The following CTNND1 variants were observed in gnomAD, a reference collection of about 807,000 sequenced individuals.
The protein encoded by CTNND1 is catenin delta 1, also known as catenin delta-1.
CTNND1 carries 16 observed loss-of-function variants against 112.1 expected under a neutral mutation model. That is an observed-to-expected ratio of 0.14 (90% CI 0.10 to 0.22). The LOEUF (loss-of-function observed/expected upper bound fraction) is 0.22, where lower values mean the gene tolerates loss of function less well. CTNND1 is among the 10% of genes least tolerant of loss of function. CTNND1 has a pLI of 1.00. For synonymous variants in CTNND1, 420 were observed against 446.5 expected (o/e 0.94, Z 0.75); for missense variants, 1,008 against 1,257.0 (o/e 0.80, Z 3.00).
At chr11:57,809,144 C>G in intron 14 of CTNND1, 130 bp from the exon 15 acceptor site, 2 of 643,052 alleles carry the variant, frequency 3.1e-6, no homozygotes, top group Non-Finnish European at 5.4e-6. Context: ...TATGATAATC[C>G]TATAGGATAA....
At chr11:57,765,997 T>C (rs1453496243) in intron 1 of CTNND1, among the ~76,000 whole-genome samples, 1 of 152,012 alleles carries the variant, frequency 6.6e-6, no homozygotes, top group Non-Finnish European at 1.5e-5. Flanking sequence ...ATACAAAAAT[T>C]AGCTGGGCGT....
intron 1 of CTNND1, among the ~76,000 whole-genome samples, chr11:57,763,606 G>T (rs761169266): frequency 1.5e-4 from 23 of 152,158 alleles, no homozygotes; most frequent in Middle Eastern, 6.3e-3. Context: ...AACAAGTACA[G>T]TTAAAAAGAA....
chr11:57,816,076 C>T, intron 20 of CTNND1, 75 bp downstream of exon 20: 1 of 1,313,192 alleles, frequency 7.6e-7, no homozygotes, highest in South Asian at 1.4e-5. Flanking sequence ...GTCAATCACG[C>T]TAATCTGATC....
Position 57,804,692 on chromosome 11 carries a change from G to A in CTNND1, c.1634G>A (p.Arg545His). 6 of 1,613,806 alleles carry A rather than the reference G, an allele frequency of 3.7e-6. No individual in the cohort carries two copies. Among genetic ancestry groups the A allele is most frequent in the Non-Finnish European group, 4.2e-6 (5 of 1,179,790 alleles). The change falls in exon 9 of 21, where the codon CGC becomes CAC. Residue 545 changes from arginine (R) to histidine (H), a missense_variant. Transcript: ENST00000399050. ...RNVSSERSEA[R>H]RKLRECDGLV... ...GTAAGCTCAGAGAGGAGTGAAGCTC[G>A]CCGGAAACTTCGGGAATGTGATGGT...
Position 57,815,504 on chromosome 11 carries a change from A to G in CTNND1, c.2808+4A>G. On this transcript the variant is annotated splice_donor_region_variant and intron_variant, in intron 19 of 20. Coordinates refer to ENST00000399050, the MANE Select transcript of CTNND1 (RefSeq NM_001085458.2). ...GAAGGGAACAACACCCTTGATGGTA[A>G]ATTCTCTTTATATACTGCTATCTGT... The G allele has an allele frequency of 6.3e-7, 1 of 1,597,018 alleles. No homozygotes were observed. The highest frequency in any genetic ancestry group is 1.1e-5 in the South Asian group (1 of 90,402).
chr11:57,803,900 C>A (rs781320666), intron 8 of CTNND1, 96 bp downstream of exon 8: 15 of 971,746 alleles, frequency 1.5e-5, no homozygotes, highest in Non-Finnish European at 2.1e-5. Flanking sequence ...TTAGCCTATT[C>A]TTTAGCCTCC....
intron 19 of CTNND1, 155 bp downstream of exon 19, chr11:57,815,655 T>C (rs1744754206): frequency 1.2e-6 from 1 of 823,776 alleles, no homozygotes; most frequent in African/African-American, 1.7e-5. Flanking sequence ...CATGTTGGGA[T>C]TTCTTGGGCC....
rs373099155 is a variant in CTNND1 at position 57,809,421 on chromosome 11, G to A, written c.2390G>A (p.Arg797Gln). Residue 797 changes from arginine to glutamine, a missense_variant, in exon 15 of 21, where the codon CGA (arginine) becomes CAA (glutamine). Arg to Gln is a conservative substitution (Grantham distance 43). Around this residue, in one of 5 missense-constraint regions of CTNND1, gnomAD observed 254 missense variants for 279.5 expected, o/e 0.91. Coordinates refer to ENST00000399050, the MANE Select transcript of CTNND1 (RefSeq NM_001085458.2). ...AENLEAAKKLRETQGIEKLVL... is the reference protein window; with the variant it reads ...AENLEAAKKLQETQGIEKLVL... ...AACTTGGAGGCTGCCAAAAAGCTTC[G>A]AGAGACACAGGGTATTGAGAAGCTG... 12 of 1,613,622 alleles carry A rather than the reference G, an allele frequency of 7.4e-6. No homozygotes were observed. Among genetic ancestry groups the A allele is most frequent in the Admixed American group, 6.7e-5 (4 of 59,962 alleles).
chr11:57,796,386 C>CAAA lies in CTNND1; in HGVS notation c.421-60_421-58dup, dbSNP rs369962232. On this transcript the variant is annotated intron_variant, in intron 5 of 20. Coordinates refer to ENST00000399050, the MANE Select transcript of CTNND1 (RefSeq NM_001085458.2). ...AGGGCAACAGTGCAAGACTCCATCTCAAAAAAAAAAAAAGAATTTAATTGC... is the reference window on the plus strand; with the variant it reads ...AGGGCAACAGTGCAAGACTCCATCTCAAAAAAAAAAAAAAAAGAATTTAATTGC... 31 of 1,120,996 alleles carry CAAA rather than the reference C, an allele frequency of 2.8e-5. No homozygotes were observed. In the South Asian group the frequency reaches 3.7e-4, roughly 13 times the overall value. The allele number at this position is 1,120,996 out of a possible 1,614,324, so 69.4% of individuals were successfully genotyped here.
At chr11:57,772,632 T>G (rs868396958) in intron 1 of CTNND1, among the ~76,000 whole-genome samples, 10 of 152,358 alleles carry the variant, frequency 6.6e-5, no homozygotes, top group South Asian at 2.1e-4. Flanking sequence ...ACTTTGGAGT[T>G]GAGGAAGAAG....
chr11:57,792,426 T>C (rs755838444), intron 3 of CTNND1, among the ~76,000 whole-genome samples: 1 of 152,238 alleles, frequency 6.6e-6, no homozygotes, highest in Non-Finnish European at 1.5e-5. Context: ...TGTGTGTGTG[T>C]GCGTGTGTGC....
At chr11:57,783,846 A>C (rs1301513297) in intron 1 of CTNND1, among the ~76,000 whole-genome samples, 1 of 152,198 alleles carries the variant, frequency 6.6e-6, no homozygotes, top group Non-Finnish European at 1.5e-5. Context: ...TATGTAATAC[A>C]GTTCTGTAGT....
At position 57,764,944 on chromosome 11, in the gene CTNND1, A is replaced by G. The variant is rs113690419; in HGVS notation, c.-214+2825A>G. Among the ~76,000 whole-genome samples, 268 of 152,260 alleles carry G rather than the reference A, an allele frequency of 1.8e-3. 1 individual carries two copies. The highest frequency in any genetic ancestry group is 6.0e-3 in the African/African-American group (249 of 41,558). Reference sequence around the variant, plus strand: ...TTGGGATAATGTATGCAAAAGATCTATTTTCCATAGAGCCCATGGGGAGCT... The same window carrying G: ...TTGGGATAATGTATGCAAAAGATCTGTTTTCCATAGAGCCCATGGGGAGCT... On this transcript the variant is annotated intron_variant, in intron 1 of 20. Coordinates refer to ENST00000399050, the MANE Select transcript of CTNND1 (RefSeq NM_001085458.2).
chr11:57,802,384 T>A (rs1267747727), intron 7 of CTNND1, among the ~76,000 whole-genome samples, 188 bp downstream of exon 7: 2 of 152,262 alleles, frequency 1.3e-5, no homozygotes, highest in Non-Finnish European at 2.9e-5. Flanking sequence ...TGGTTGCTGA[T>A]GTTTAAAATT....
In CTNND1 at chr11:57,817,344, A is replaced by G. The variant is rs2064038239; in HGVS notation, c.*1036A>G. 6.5e-6 allele frequency: 1 copy of G among 152,690 alleles called. No homozygotes were observed. Among genetic ancestry groups the G allele is most frequent in the African/African-American group, 2.4e-5 (1 of 41,424 alleles). 9.5% of individuals were successfully genotyped at this position (152,690 alleles called of 1,614,324 possible). On this transcript the variant is annotated 3_prime_UTR_variant, in exon 21 of 21. Coordinates refer to ENST00000399050, the MANE Select transcript of CTNND1 (RefSeq NM_001085458.2). The stretch of plus-strand genomic sequence containing the variant: ...ACATAACTCCTGTCCCTTTTCCCTT[A>G]CAAGGTGGGGATTGCCCCTGGCTTT...
intron 1 of CTNND1, among the ~76,000 whole-genome samples, chr11:57,782,178 C>T (rs1331691806): frequency 1.3e-5 from 2 of 151,868 alleles, no homozygotes; most frequent in East Asian, 1.9e-4. Context: ...GGAGTATTAT[C>T]TTGTTTATAT....
At chr11:57,804,128 C>A in intron 8 of CTNND1, 1 of 208,994 alleles carries the variant, frequency 4.8e-6, no homozygotes, top group Non-Finnish European at 9.5e-6. Flanking sequence ...GTGTCTATGT[C>A]CTTGCCCTAG....
chr11:57,783,917 A>C (rs1387780064), intron 1 of CTNND1, among the ~76,000 whole-genome samples: 1 of 151,696 alleles, frequency 6.6e-6, no homozygotes, highest in Non-Finnish European at 1.5e-5. Flanking sequence ...TATGCTATTT[A>C]TTTATTTATT....
At chr11:57,793,406 T>G (rs2060985042) in intron 3 of CTNND1, among the ~76,000 whole-genome samples, 2 of 152,214 alleles carry the variant, frequency 1.3e-5, no homozygotes, top group Non-Finnish European at 2.9e-5. Flanking sequence ...GGTGCTTGTT[T>G]TTGTACTTGG....
Sources: allele counts gnomAD v4.1 joint callset (sites outside exome capture counted in the v4.1 genomes callset), GRCh38; gene constraint gnomAD v4.1.1; regional missense constraint gnomAD v4.1.1; transcripts MANE v1.5; gene names NCBI Gene and HGNC (gene_info 2026-07-23, HGNC 2026-07-21).